Variants in RBAK observed in about 807,000 individuals in gnomAD.
RBAK encodes the protein RB associated KRAB zinc finger, also known as RB-associated KRAB zinc finger protein.
In RBAK, 39 loss-of-function variants were observed where a neutral mutation model predicts 65.8. The observed-to-expected ratio is 0.59, with a 90% CI of 0.46 to 0.77. The LOEUF is 0.77. Ranked by LOEUF, RBAK falls within the 30% of genes least tolerant of loss-of-function variation. The pLI is 0.00. For synonymous variants in RBAK, 343 were observed against 289.7 expected, an observed-to-expected ratio of 1.18 and a Z score of -1.87; for missense variants, 884 against 855.1, an observed-to-expected ratio of 1.03 and a Z score of -0.42.
rs778195093 is a variant in RBAK at position 5,065,540 on chromosome 7, A to G, written c.2084A>G (p.Asn695Ser). The change falls in exon 5 of 5, where the codon AAT (asparagine) becomes AGT (serine). Residue 695 changes from asparagine to serine, a missense_variant. Coordinates refer to ENST00000396912, the MANE Select transcript of RBAK (RefSeq NM_021163.4). This position sits in a 1 kb window ranked among gnomAD's most constrained non-coding sequence, Gnocchi z 5.3. ...AAATTCCACCACAGATCAGCCTTCA[A>G]TAGCCATCAGAGAATTCATAGAAGA... ...GKKFHHRSAF[N>S]SHQRIHRRGN... 23 of 1,587,074 alleles carry G rather than the reference A, an allele frequency of 1.4e-5. No individual in the cohort carries two copies. Among genetic ancestry groups the G allele is most frequent in the African/African-American group, 8.1e-5 (6 of 73,858 alleles).
chr7:5,064,907 C>A lies in RBAK; in HGVS notation c.1451C>A (p.Ser484Tyr), dbSNP rs1198410787. The A allele has an allele frequency of 6.2e-7, 1 of 1,613,786 alleles. No homozygotes were observed. The highest frequency in any genetic ancestry group is 8.5e-7 in the Non-Finnish European group (1 of 1,179,946). ...CGGAAAGTACACACAGAAGAGAAAT[C>A]CCATGAATGTAGTGAATGTGGAAAG... The part of the protein sequence containing the change: ...RHRKVHTEEK[S>Y]HECSECGKFS... Residue 484 changes from serine to tyrosine, a missense_variant, in exon 5 of 5, where the codon TCC (serine) becomes TAC (tyrosine). Physicochemically the swap from Ser to Tyr is moderately radical, Grantham distance 144. Coordinates refer to ENST00000396912, the MANE Select transcript of RBAK (RefSeq NM_021163.4). The surrounding 1 kb of genome is among the most constrained non-coding windows in gnomAD (Gnocchi z 6.3).
chr7:5,055,272 G>A (rs1788202670), intron 2 of RBAK, among the ~76,000 whole-genome samples: 1 of 151,460 alleles, frequency 6.6e-6, no homozygotes, highest in African/African-American at 2.4e-5. Flanking sequence ...GTGTGTGTGT[G>A]TGTGTGTGCG....
Position 5,065,092 on chromosome 7 carries a change from A to T in RBAK, c.1636A>T (p.Lys546Ter). The change falls in exon 5 of 5, where the codon AAG (lysine) becomes TAG (stop). Residue 546 changes from lysine (K) to a stop codon, truncating the protein, a stop_gained. Transcript: ENST00000396912. LOFTEE classifies it high-confidence loss of function. This position sits in a 1 kb window ranked among gnomAD's most constrained non-coding sequence, Gnocchi z 5.3. ...EKSYECNVCG[K>*]LFNELSYYTE... ...ATCCTATGAATGTAATGTATGTGGA[A>T]AGTTATTCAATGAGTTGTCATACTA... is the stretch of plus-strand genomic sequence containing the variant. 1 of 1,614,052 alleles carries T rather than the reference A, an allele frequency of 6.2e-7. No individual in the cohort carries two copies. The highest frequency in any genetic ancestry group is 8.5e-7 in the Non-Finnish European group (1 of 1,179,968).
intron 2 of RBAK, among the ~76,000 whole-genome samples, chr7:5,053,581 T>C (rs1027355500): frequency 6.6e-6 from 1 of 152,240 alleles, no homozygotes; most frequent in African/African-American, 2.4e-5. Flanking sequence ...CTCCCCTCCA[T>C]TGATTCTTGT....
Position 5,048,223 on chromosome 7 carries a change from A to T in RBAK, c.15+132A>T. 7.6e-7 allele frequency: 1 copy of T among 1,308,422 alleles called. No individual in the cohort carries two copies. The highest frequency in any genetic ancestry group is 1.0e-6 in the Non-Finnish European group (1 of 966,306). 81.1% of individuals were successfully genotyped at this position (1,308,422 alleles called of 1,614,324 possible). A position where few individuals can be genotyped will look rare whatever the true frequency, so the allele number is the denominator to read the frequency against. Reference sequence around the variant, plus strand: ...AGTCTTGCTCTGTTGCCCAGGCTGGAGTGCAGTGGCATGATCTCGCTTCAC... The same window carrying T: ...AGTCTTGCTCTGTTGCCCAGGCTGGTGTGCAGTGGCATGATCTCGCTTCAC... On this transcript the variant is annotated intron_variant, in intron 2 of 4. Coordinates refer to ENST00000396912, the MANE Select transcript of RBAK (RefSeq NM_021163.4). The surrounding 1 kb of genome is among the most constrained non-coding windows in gnomAD (Gnocchi z 4.4).
chr7:5,053,810 C>T (rs989952712), intron 2 of RBAK, among the ~76,000 whole-genome samples: 1 of 152,184 alleles, frequency 6.6e-6, no homozygotes, highest in African/African-American at 2.4e-5. Flanking sequence ...GTCTTTTTTA[C>T]ATCTTGCCTG....
At chr7:5,051,699 T>C (rs1398243364) in intron 2 of RBAK, among the ~76,000 whole-genome samples, 1 of 152,226 alleles carries the variant, frequency 6.6e-6, no homozygotes, top group Non-Finnish European at 1.5e-5. Flanking sequence ...AGGCCAATGA[T>C]ATTATAGAAG....
intron 4 of RBAK, among the ~76,000 whole-genome samples, chr7:5,060,858 C>T (rs1284481210): frequency 2.0e-5 from 3 of 152,140 alleles, no homozygotes; most frequent in Admixed American, 2.0e-4. Context: ...GAGCAGAGTA[C>T]CATCAGGGTT....
At chr7:5,052,090 G>C (rs758192514) in intron 2 of RBAK, among the ~76,000 whole-genome samples, 6 of 152,196 alleles carry the variant, frequency 3.9e-5, no homozygotes, top group Middle Eastern at 3.2e-3. Context: ...ATTACATCCT[G>C]TTGATTAATT....
Position 5,057,330 on chromosome 7 carries a change from C to T in RBAK, c.51C>T (p.Phe17=), listed in dbSNP as rs1778952737. ...CATTCAAAGATGTGGCTGTGGATTT[C>T]ACCCAGGAGGAGTGGCAGCAGCTGG... is the stretch of plus-strand genomic sequence containing the variant. The part of the protein sequence containing the change: ...PVSFKDVAVD[F]TQEEWQQLDP... The change falls in exon 3 of 5, where the codon TTC becomes TTT. Residue 17 remains phenylalanine (F), a synonymous_variant. Transcript: ENST00000396912. The T allele has an allele frequency of 1.2e-6, 2 of 1,613,992 alleles. No individual in the cohort carries two copies. The highest frequency in any genetic ancestry group is 2.7e-5 in the African/African-American group (2 of 74,972).
Position 5,057,784 on chromosome 7 carries a change from G to A in RBAK, c.238+5G>A. The A allele has an allele frequency of 6.2e-7, 1 of 1,613,870 alleles. No individual in the cohort carries two copies. The highest frequency in any genetic ancestry group is 8.5e-7 in the Non-Finnish European group (1 of 1,179,792). On this transcript the variant is annotated splice_donor_5th_base_variant and intron_variant, in intron 4 of 4. Coordinates refer to ENST00000396912, the MANE Select transcript of RBAK (RefSeq NM_021163.4). ...TTCCATGTCAACATAGTCCAGGTAA[G>A]TTAGTAGCGTATCAAAGGTTAAAAA...
At position 5,067,744 on chromosome 7, in the gene RBAK, TG is replaced by T. The variant is rs1367353595; in HGVS notation, c.*2145del. The T allele has an allele frequency of 6.6e-6, 1 of 152,182 alleles. No individual in the cohort carries two copies. Among genetic ancestry groups the T allele is most frequent in the African/African-American group, 2.4e-5 (1 of 41,450 alleles). The allele number at this position is 152,182 out of a possible 1,614,324, so 9.4% of individuals were successfully genotyped here. Reference sequence around the variant, plus strand: ...GCACAAGGATGAAAAAACTGACTAGTGGAACAGCATACAGATTCAAAAGTAG... The same window carrying T: ...GCACAAGGATGAAAAAACTGACTAGTGAACAGCATACAGATTCAAAAGTAG... On this transcript the variant is annotated 3_prime_UTR_variant, in exon 5 of 5. Transcript: ENST00000396912.
chr7:5,057,080 T>C (rs1443274288), intron 2 of RBAK: 4 of 204,204 alleles, frequency 2.0e-5, no homozygotes, highest in Non-Finnish European at 3.4e-5. Context: ...ATATTTTTTA[T>C]ATATATTATA....
At chr7:5,059,619 A>C (rs1238667430) in intron 4 of RBAK, among the ~76,000 whole-genome samples, 1 of 152,178 alleles carries the variant, frequency 6.6e-6, no homozygotes, top group Non-Finnish European at 1.5e-5. Context: ...TATGCTTTAC[A>C]TTTGAACTGA....
Position 5,048,166 on chromosome 7 carries a change from TA to T in RBAK, c.15+76del. ...ATTTTAAGAGGTTTGTAAGGATTCT[TA>T]CCTTTTTTTTTTTCTTTTTTTTTGA... On this transcript the variant is annotated intron_variant, in intron 2 of 4. Transcript: ENST00000396912. This position sits in a 1 kb window ranked among gnomAD's most constrained non-coding sequence, Gnocchi z 4.4. The T allele has an allele frequency of 6.3e-7, 1 of 1,588,288 alleles. No individual in the cohort carries two copies. Among genetic ancestry groups the T allele is most frequent in the Admixed American group, 1.8e-5 (1 of 55,764 alleles).
rs1014661687 is a variant in RBAK, at chr7:5,065,280, A to G, written c.1824A>G (p.Ser608=). The G allele has an allele frequency of 1.2e-6, 2 of 1,613,948 alleles. No individual in the cohort carries two copies. The highest frequency in any genetic ancestry group is 1.3e-5 in the African/African-American group (1 of 74,928). ...YECGKFFSQK[S]YLTIHHRIHS... ...GTGGAAAATTCTTCTCTCAGAAATC[A>G]TATCTCACTATACATCATCGAATTC... Residue 608 remains serine, a synonymous_variant, in exon 5 of 5, where the codon TCA becomes TCG. Transcript: ENST00000396912. The surrounding 1 kb of genome is among the most constrained non-coding windows in gnomAD (Gnocchi z 5.3).
In RBAK at chr7:5,047,321, G is replaced by C. The variant is rs1394529423; in HGVS notation, c.-44-712G>C. On this transcript the variant is annotated intron_variant, in intron 1 of 4. Transcript: ENST00000396912. ...GGCTGAGGTGGGAGGATCAATGGAG[G>C]CCAGGAGGTCGAGGCTGCAGTGAGC... is the stretch of plus-strand genomic sequence containing the variant. Among the ~76,000 whole-genome samples, 5 of 152,100 alleles carry C rather than the reference G, an allele frequency of 3.3e-5. No individual in the cohort carries two copies. The East Asian group carries it at 9.6e-4, about 29-fold the overall frequency.
rs1583466855 is a variant in RBAK at position 5,068,632 on chromosome 7, T to G, written c.*3031T>G. The G allele has an allele frequency of 6.6e-6, 1 of 152,242 alleles. No individual in the cohort carries two copies. The highest frequency in any genetic ancestry group is 2.4e-5 in the African/African-American group (1 of 41,468). 9.4% of individuals were successfully genotyped at this position (152,242 alleles called of 1,614,324 possible). A position where few individuals can be genotyped will look rare whatever the true frequency, so the allele number is the denominator to read the frequency against. ...CACTACTGGTGGAATTGCTCATCGA[T>G]AAAACCATTTTGAAAGCTGGCACTA... On this transcript the variant is annotated 3_prime_UTR_variant, in exon 5 of 5. Coordinates refer to ENST00000396912, the MANE Select transcript of RBAK (RefSeq NM_021163.4).
chr7:5,063,607 C>G, intron 4 of RBAK, 88 bp from the exon 5 acceptor site: 1 of 1,059,332 alleles, frequency 9.4e-7, no homozygotes, highest in Non-Finnish European at 1.3e-6. Flanking sequence ...CAGAGTCAAC[C>G]CCACAATGGG....
Sources: gnomAD v4.1 joint callset for allele counts (sites outside exome capture counted in the v4.1 genomes callset) on GRCh38, gnomAD v4.1.1 for gene constraint, Gnocchi (gnomAD v3.1) non-coding constraint, MANE v1.5 for transcripts, NCBI Gene and HGNC (gene_info 2026-07-23, HGNC 2026-07-21) for gene names.